PDE10A: variants seen among roughly 807,000 people sequenced by gnomAD.
PDE10A encodes cAMP and cAMP-inhibited cGMP 3',5'-cyclic phosphodiesterase 10A.
Under a neutral mutation model 97.7 loss-of-function variants are expected in PDE10A, and 39 were observed. That is an observed-to-expected ratio of 0.40 (90% CI 0.31 to 0.52). The LOEUF (loss-of-function observed/expected upper bound fraction) is 0.52, where lower values mean the gene tolerates loss of function less well. Among genes scored for constraint, PDE10A ranks in the 20% least tolerant of loss-of-function variants. The pLI is 0.56. For missense variants in PDE10A, 731 were observed against 1,047.8 expected, an observed-to-expected ratio of 0.70 and a Z score of 4.17; for synonymous variants, 371 against 376.8, an observed-to-expected ratio of 0.98 and a Z score of 0.18.
Position 165,328,202 on chromosome 6 carries a change from AATATTCCTAT to A in PDE10A, c.*4813_*4822del, listed in dbSNP as rs1275011030. The A allele has an allele frequency of 3.3e-5, 5 of 152,336 alleles. No individual in the cohort carries two copies. The East Asian group carries it at 9.6e-4, about 29-fold the overall frequency. 9.4% of individuals were successfully genotyped at this position (152,336 alleles called of 1,614,324 possible). On this transcript the variant is annotated 3_prime_UTR_variant, in exon 22 of 22. Coordinates refer to ENST00000539869, the MANE Select transcript of PDE10A (RefSeq NM_001385079.1). ...CCATACAACAGATCATATGGAAAAT[AATATTCCTAT>A]ATGTCATTTATATAGGCTATCAGAG...
At chr6:165,650,980 C>T (rs138830281) in intron 1 of PDE10A, among the ~76,000 whole-genome samples, 241 of 152,298 alleles carry the variant, frequency 1.6e-3, no homozygotes, top group African/African-American at 5.4e-3. Context: ...TCGTGATCCA[C>T]CCACCTCGGC....
At chr6:165,877,234 C>T (rs1411799259) in intron 1 of PDE10A, among the ~76,000 whole-genome samples, 2 of 152,190 alleles carry the variant, frequency 1.3e-5, no homozygotes, top group African/African-American at 4.8e-5. Context: ...ATTTCTTCCT[C>T]TTCTGGTTTT....
intron 1 of PDE10A, among the ~76,000 whole-genome samples, chr6:165,797,312 AG>A (rs529286378): frequency 4.5e-4 from 69 of 152,376 alleles, no homozygotes; most frequent in African/African-American, 1.6e-3. Context: ...CAAGAGTTTT[AG>A]AATCCACTGG....
chr6:165,598,017 G>C (rs945450388), intron 1 of PDE10A, among the ~76,000 whole-genome samples: 1 of 152,166 alleles, frequency 6.6e-6, no homozygotes, highest in South Asian at 2.1e-4. Flanking sequence ...TCACGCTTTG[G>C]TCTCTGCTCA....
At chr6:165,483,503 A>G (rs1779721830) in intron 2 of PDE10A, among the ~76,000 whole-genome samples, 1 of 152,202 alleles carries the variant, frequency 6.6e-6, no homozygotes, top group Non-Finnish European at 1.5e-5. Flanking sequence ...GAAATATTTC[A>G]TTTACTCTTC....
intron 1 of PDE10A, among the ~76,000 whole-genome samples, chr6:165,801,295 A>C (rs1404536827): frequency 6.6e-6 from 1 of 152,236 alleles, no homozygotes; most frequent in Non-Finnish European, 1.5e-5. Context: ...CTGTAAACCC[A>C]ACACTTTGGG....
intron 2 of PDE10A, among the ~76,000 whole-genome samples, chr6:165,521,336 T>A (rs887111357): frequency 4.6e-5 from 7 of 152,128 alleles, no homozygotes; most frequent in Non-Finnish European, 1.0e-4. Context: ...ATGGCCTCAA[T>A]GGCCTTCCTT....
At chr6:165,599,556 T>C (rs978767642) in intron 1 of PDE10A, among the ~76,000 whole-genome samples, 1 of 152,180 alleles carries the variant, frequency 6.6e-6, no homozygotes, top group African/African-American at 2.4e-5. Context: ...ATTAGGAAAA[T>C]ATAAGGTATG....
intron 1 of PDE10A, among the ~76,000 whole-genome samples, chr6:165,668,809 G>A (rs1194855832): frequency 1.3e-5 from 2 of 149,972 alleles, no homozygotes. Flanking sequence ...AAGGAAAGGA[G>A]GGAGGGAGGG....
intron 2 of PDE10A, among the ~76,000 whole-genome samples, chr6:165,524,650 T>C (rs185281871): frequency 1.2e-4 from 13 of 111,170 alleles, no homozygotes; most frequent in Non-Finnish European, 2.5e-4. Context: ...GCCTCAAATC[T>C]GCTAAGATTG....
intron 3 of PDE10A, among the ~76,000 whole-genome samples, chr6:165,451,927 T>G (rs1791323817): frequency 6.6e-6 from 1 of 152,220 alleles, no homozygotes; most frequent in African/African-American, 2.4e-5. Context: ...CTGAAATCTG[T>G]TCCCAAAAGT....
intron 1 of PDE10A, among the ~76,000 whole-genome samples, chr6:165,720,558 T>TA (rs1463177595): frequency 6.6e-6 from 1 of 152,230 alleles, no homozygotes; most frequent in African/African-American, 2.4e-5. Context: ...GATCAAGTCT[T>TA]ATATCATCAA....
In PDE10A at chr6:165,328,792, T is replaced by C. The variant is rs1781184846; in HGVS notation, c.*4233A>G. Reference sequence around the variant, plus strand: ...TGCTATTTTTATCATATAAAATGCTTCCAACGCTACAGACAACCAAAATAT... The same window carrying C: ...TGCTATTTTTATCATATAAAATGCTCCCAACGCTACAGACAACCAAAATAT... On this transcript the variant is annotated 3_prime_UTR_variant, in exon 22 of 22. Coordinates refer to ENST00000539869, the MANE Select transcript of PDE10A (RefSeq NM_001385079.1). 1 of 152,230 alleles carries C rather than the reference T, an allele frequency of 6.6e-6. No homozygotes were observed. The highest frequency in any genetic ancestry group is 2.4e-5 in the African/African-American group (1 of 41,454). The allele number at this position is 152,230 out of a possible 1,614,324, so 9.4% of individuals were successfully genotyped here.
rs369242656 is a variant in PDE10A at position 165,634,382 on chromosome 6, T to C, written c.865+27565A>G. 7.9e-5 allele frequency among the ~76,000 whole-genome samples: 12 copies of C among 152,278 alleles called. No homozygotes were observed. In the East Asian group the frequency reaches 2.1e-3, roughly 27 times the overall value. ...TCTAGGAGAAACCTCAAGCTGAACC[T>C]GAGTCCTGCAACTTTATTAGCTGTG... On this transcript the variant is annotated intron_variant, in intron 1 of 21. Transcript: ENST00000539869.
intron 2 of PDE10A, among the ~76,000 whole-genome samples, chr6:165,510,594 T>C (rs1256165960): frequency 2.0e-5 from 3 of 151,984 alleles, no homozygotes; most frequent in Non-Finnish European, 4.4e-5. Flanking sequence ...CTTGGAATAG[T>C]GTGAGGACTG....
At chr6:165,874,299 T>C (rs1017885889) in intron 1 of PDE10A, among the ~76,000 whole-genome samples, 4 of 152,150 alleles carry the variant, frequency 2.6e-5, no homozygotes, top group Non-Finnish European at 4.4e-5. Flanking sequence ...GTTACCTGCT[T>C]CTGGGAGAAA....
chr6:165,865,801 C>G (rs1781026485), intron 1 of PDE10A, among the ~76,000 whole-genome samples: 2 of 151,832 alleles, frequency 1.3e-5, no homozygotes, highest in South Asian at 4.2e-4. Context: ...ATAAAGTAAT[C>G]AAATATTTGA....
At chr6:165,420,103 C>T (rs945031346) in intron 10 of PDE10A, among the ~76,000 whole-genome samples, 11 of 152,206 alleles carry the variant, frequency 7.2e-5, no homozygotes, top group African/African-American at 2.4e-4. Context: ...ACAGAAACAG[C>T]AGAAACCACT....
intron 6 of PDE10A, 88 bp from the exon 7 acceptor site, chr6:165,433,217 C>T (rs766960940): frequency 8.3e-6 from 8 of 965,134 alleles, no homozygotes; most frequent in Non-Finnish European, 1.3e-5. Flanking sequence ...TGCCATGATA[C>T]TTGTAATCAA....
Sources: allele counts gnomAD v4.1 joint callset (sites outside exome capture counted in the v4.1 genomes callset), GRCh38; gene constraint gnomAD v4.1.1; transcripts MANE v1.5; gene names NCBI Gene and HGNC (gene_info 2026-07-23, HGNC 2026-07-21).